SYCP2: variants seen among roughly 807,000 people sequenced by gnomAD.
The protein encoded by SYCP2 is synaptonemal complex lateral element protein.
A neutral mutation model predicts 211.3 loss-of-function variants in SYCP2; 55 were observed. The ratio of observed to expected loss-of-function variants is 0.26; its 90% confidence interval spans 0.21 to 0.33. SYCP2 has a LOEUF of 0.33. Ranked by LOEUF, SYCP2 falls within the 10% of genes least tolerant of loss-of-function variation. The pLI is 1.00. For missense variants in SYCP2, 1,731 were observed against 1,752.0 expected, an observed-to-expected ratio of 0.99 and a Z score of 0.21; for synonymous variants, 570 against 555.2, an observed-to-expected ratio of 1.03 and a Z score of -0.37.
intron 35 of SYCP2, among the ~76,000 whole-genome samples, chr20:59,871,223 AT>A (rs1394043670): frequency 9.2e-5 from 14 of 152,010 alleles, no homozygotes; most frequent in African/African-American, 3.1e-4. Context: ...GGCCAAAATC[AT>A]GTGAAAATAC....
intron 35 of SYCP2, among the ~76,000 whole-genome samples, chr20:59,872,487 T>C (rs1000590901): frequency 9.3e-4 from 142 of 151,904 alleles, no homozygotes; most frequent in African/African-American, 3.3e-3. Flanking sequence ...TGTATTGTTA[T>C]AGTTGTTGTT....
At chr20:59,920,846 G>C (rs559705647) in intron 4 of SYCP2, among the ~76,000 whole-genome samples, 2 of 151,590 alleles carry the variant, frequency 1.3e-5, no homozygotes, top group African/African-American at 4.8e-5. Flanking sequence ...TCAGATACTG[G>C]GGTAAGGGGA....
At position 59,895,501 on chromosome 20, in the gene SYCP2, T is replaced by G; in HGVS notation, c.1601A>C (p.Asp534Ala). 6.2e-7 allele frequency: 1 copy of G among 1,613,316 alleles called. No individual in the cohort carries two copies. The highest frequency in any genetic ancestry group is 8.5e-7 in the Non-Finnish European group (1 of 1,179,442). The change falls in exon 20 of 45, where the codon GAT becomes GCT. Residue 534 changes from aspartate to alanine, a missense_variant. By Grantham distance (126) the Asp-to-Ala change is moderately radical. Coordinates refer to ENST00000357552, the MANE Select transcript of SYCP2 (RefSeq NM_014258.4). ...SVSQTSENRVDNAASLKSRSS... is the reference protein window; with the variant it reads ...SVSQTSENRVANAASLKSRSS... Reference sequence around the variant, plus strand: ...TCTAGATTTCAGTGATGCAGCATTATCCACTCTATTTTCTGATGTTTGAGA... The same window carrying G: ...TCTAGATTTCAGTGATGCAGCATTAGCCACTCTATTTTCTGATGTTTGAGA...
intron 14 of SYCP2, among the ~76,000 whole-genome samples, chr20:59,907,818 A>G (rs1485186331): frequency 6.6e-6 from 1 of 152,168 alleles, no homozygotes; most frequent in Non-Finnish European, 1.5e-5. Flanking sequence ...TAACCACAAT[A>G]CTCATTAACT....
In SYCP2 at chr20:59,880,524, T is replaced by G. The variant is rs139207506; in HGVS notation, c.2773-53A>C. On this transcript the variant is annotated intron_variant, in intron 30 of 44. Transcript: ENST00000357552. ...AGAAATACTACATCTCATTATGTCATGCAAGGTAAGTTAAACCAAAACAAC... is the reference window on the plus strand; with the variant it reads ...AGAAATACTACATCTCATTATGTCAGGCAAGGTAAGTTAAACCAAAACAAC... The G allele has an allele frequency of 5.1e-4, 575 of 1,124,060 alleles. 2 individuals are homozygous for G. Among genetic ancestry groups the G allele is most frequent in the Middle Eastern group, 8.8e-4 (3 of 3,424 alleles). 69.6% of individuals were successfully genotyped at this position (1,124,060 alleles called of 1,614,324 possible). A position where few individuals can be genotyped will look rare whatever the true frequency, so the allele number is the denominator to read the frequency against.
chr20:59,933,121 TCCCGTCGC>T (rs2060800862), intron 1 of SYCP2: 1 of 152,196 alleles, frequency 6.6e-6, no homozygotes, highest in African/African-American at 2.4e-5. Flanking sequence ...TCCCCAGGGC[TCCCGTCGC>T]CACCGCTTCT....
At chr20:59,916,447 C>T (rs2060444515) in intron 8 of SYCP2, 39 bp downstream of exon 8, 1 of 1,215,494 alleles carries the variant, frequency 8.2e-7, no homozygotes, top group Non-Finnish European at 1.2e-6. Context: ...TCTTCACGTT[C>T]TCATTTTTAG....
chr20:59,898,739 GT>G (rs148126015), intron 18 of SYCP2, among the ~76,000 whole-genome samples: 4,029 of 152,050 alleles, frequency 0.026, 185 homozygotes, highest in African/African-American at 0.092. Context: ...TATGTAAAAT[GT>G]TTTAAAAAGG....
chr20:59,903,906 C>G (rs182570109), intron 15 of SYCP2, among the ~76,000 whole-genome samples: 1 of 152,000 alleles, frequency 6.6e-6, no homozygotes, highest in Non-Finnish European at 1.5e-5. Context: ...AGGCTAATAT[C>G]CTGTTTTAAA....
At chr20:59,896,589 C>T (rs1224384712) in intron 18 of SYCP2, 61 bp from the exon 19 acceptor site, 2 of 860,060 alleles carry the variant, frequency 2.3e-6, no homozygotes, top group African/African-American at 3.4e-5. Context: ...AAATATCCTA[C>T]AATTTTACTT....
In SYCP2 at chr20:59,877,999, T is replaced by C; in HGVS notation, c.2979+9A>G. ...AAAGGGATGTTTGAACACAAACTTC[T>C]TGGCTTACCATTTTAGAGCTTGGCT... is the stretch of plus-strand genomic sequence containing the variant. On this transcript the variant is annotated intron_variant, in intron 32 of 44. Coordinates refer to ENST00000357552, the MANE Select transcript of SYCP2 (RefSeq NM_014258.4). 6.3e-7 allele frequency: 1 copy of C among 1,598,266 alleles called. No homozygotes were observed. The highest frequency in any genetic ancestry group is 8.5e-7 in the Non-Finnish European group (1 of 1,170,808).
intron 13 of SYCP2, 38 bp downstream of exon 13, chr20:59,912,335 T>C (rs764413458): frequency 3.7e-6 from 3 of 804,008 alleles, no homozygotes; most frequent in Non-Finnish European, 5.9e-6. Context: ...TCAAAATTCA[T>C]GCAATAACTA....
chr20:59,893,154 C>A lies in SYCP2; in HGVS notation c.1781G>T (p.Arg594Ile), dbSNP rs144624770. 251 of 1,602,418 alleles carry A rather than the reference C, an allele frequency of 1.6e-4. 1 individual carries two copies. The highest frequency in any genetic ancestry group is 1.9e-4 in the Non-Finnish European group (228 of 1,172,956). Residue 594 changes from arginine (R) to isoleucine (I), a missense_variant, in exon 22 of 45, where the codon AGA (arginine) becomes ATA (isoleucine). Arg to Ile is a moderately conservative substitution (Grantham distance 97). This residue lies in a region of SYCP2 where 1,387 missense variants were observed against 1,351.3 expected (regional missense o/e 1.03). Transcript: ENST00000357552. ...TTCTCATACTTACATAGTATGATCT[C>A]TTTTTTCCGCTGCCTGTGAATCTGG... Reference protein sequence around the residue: ...VIPDSQAAEKRDHTILPGVLD... With the variant: ...VIPDSQAAEKIDHTILPGVLD...
chr20:59,908,758 C>T (rs1365943641), intron 14 of SYCP2, among the ~76,000 whole-genome samples: 2 of 152,032 alleles, frequency 1.3e-5, no homozygotes, highest in African/African-American at 2.4e-5. Context: ...GTTCCATTTT[C>T]ACCTCCCACT....
intron 31 of SYCP2, among the ~76,000 whole-genome samples, chr20:59,879,296 C>A (rs1369426684): frequency 6.7e-6 from 1 of 150,024 alleles, no homozygotes; most frequent in Non-Finnish European, 1.5e-5. Context: ...ATACTTCTCT[C>A]CCTTTTATAT....
chr20:59,880,197 G>T, intron 31 of SYCP2, 106 bp downstream of exon 31: 1 of 824,270 alleles, frequency 1.2e-6, no homozygotes, highest in Non-Finnish European at 1.9e-6. Context: ...ATGAAAGTAT[G>T]TAGTAATGAA....
intron 14 of SYCP2, among the ~76,000 whole-genome samples, chr20:59,908,477 C>A (rs2060254081): frequency 6.6e-6 from 1 of 152,068 alleles, no homozygotes; most frequent in Non-Finnish European, 1.5e-5. Context: ...TAAGTTTTCC[C>A]CAAGGCTTTG....
chr20:59,915,114 C>T, intron 10 of SYCP2, 51 bp downstream of exon 10: 1 of 1,110,608 alleles, frequency 9.0e-7, no homozygotes, highest in South Asian at 1.3e-5. Flanking sequence ...AAGATACTAT[C>T]TGCTATTCAT....
chr20:59,866,617 A>G (rs1457363082), intron 39 of SYCP2, 28 bp from the exon 40 acceptor site: 2 of 1,478,916 alleles, frequency 1.4e-6, no homozygotes, highest in Non-Finnish European at 1.8e-6. Flanking sequence ...TTAAGTTAAA[A>G]TATCTTTACA....
Sources: allele counts gnomAD v4.1 joint callset (sites outside exome capture counted in the v4.1 genomes callset), GRCh38; gene constraint gnomAD v4.1.1; regional missense constraint gnomAD v4.1.1; transcripts MANE v1.5; gene names NCBI Gene and HGNC (gene_info 2026-07-23, HGNC 2026-07-21).